DENND4C: variants seen among roughly 807,000 people sequenced by gnomAD.
DENND4C encodes DENN domain containing 4C.
Under a neutral mutation model 203.0 loss-of-function variants are expected in DENND4C, and 108 were observed. That is an observed-to-expected ratio of 0.53 (90% CI 0.46 to 0.62). DENND4C has a LOEUF of 0.62. Ranked by LOEUF, DENND4C falls within the 20% of genes least tolerant of loss-of-function variation. The pLI is 0.00. For synonymous variants in DENND4C, 871 were observed against 792.4 expected, an observed-to-expected ratio of 1.10 and a Z score of -1.67; for missense variants, 2,481 against 2,301.2, an observed-to-expected ratio of 1.08 and a Z score of -1.60.
chr9:19,242,011 A>G (rs1696532895), intron 1 of DENND4C, among the ~76,000 whole-genome samples: 1 of 152,136 alleles, frequency 6.6e-6, no homozygotes. Flanking sequence ...GGCAACATGT[A>G]TCCACCGTTA....
At chr9:19,312,344 A>G (rs964400820) in intron 10 of DENND4C, among the ~76,000 whole-genome samples, 1 of 152,112 alleles carries the variant, frequency 6.6e-6, no homozygotes, top group Non-Finnish European at 1.5e-5. Flanking sequence ...CTCAAGTGAT[A>G]TGCCTATATC....
chr9:19,233,971 A>C (rs557296722), intron 1 of DENND4C, among the ~76,000 whole-genome samples: 2 of 152,166 alleles, frequency 1.3e-5, no homozygotes, highest in Non-Finnish European at 2.9e-5. Context: ...TCTAACACTT[A>C]TATTTTTCTG....
At chr9:19,371,095 C>G (rs11999553) in intron 31 of DENND4C, among the ~76,000 whole-genome samples, 20,720 of 152,154 alleles carry the variant, frequency 0.14, 1,814 homozygotes, top group African/African-American at 0.24. Flanking sequence ...AAAGTGATAC[C>G]AAGTGTCACT....
chr9:19,342,562 A>T (rs1280991546), intron 21 of DENND4C, 71 bp from the exon 22 acceptor site: 1 of 1,442,760 alleles, frequency 6.9e-7, no homozygotes, highest in African/African-American at 1.4e-5. Context: ...ACAATATCTA[A>T]AAGTCAATAT....
At chr9:19,304,119 T>G (rs1266663799) in intron 9 of DENND4C, among the ~76,000 whole-genome samples, 1 of 119,312 alleles carries the variant, frequency 8.4e-6, no homozygotes, top group East Asian at 2.5e-4. Flanking sequence ...TAAAGATTCT[T>G]GAGGAATGTT....
intron 12 of DENND4C, among the ~76,000 whole-genome samples, chr9:19,322,116 G>A (rs568864341): frequency 6.6e-6 from 1 of 152,076 alleles, no homozygotes; most frequent in South Asian, 2.1e-4. Flanking sequence ...TGAAGGGAGA[G>A]CGCATACAAA....
In DENND4C at chr9:19,336,265, T is replaced by G. The variant is rs915439169; in HGVS notation, c.2590-5T>G. 6.2e-7 allele frequency: 1 copy of G among 1,609,358 alleles called. No individual in the cohort carries two copies. The highest frequency in any genetic ancestry group is 1.1e-5 in the South Asian group (1 of 89,958). ...ACATTATTTTTACCCTTATTTTACC[T>G]TTAGGTAGTCTTGGAGAGCCCGTGG... On this transcript the variant is annotated splice_polypyrimidine_tract_variant and splice_region_variant and intron_variant, in intron 18 of 32. Coordinates refer to ENST00000434457, the MANE Select transcript of DENND4C (RefSeq NM_001330640.2).
At chr9:19,361,713 A>G (rs1826529158) in intron 29 of DENND4C, 133 bp from the exon 30 acceptor site, 1 of 522,370 alleles carries the variant, frequency 1.9e-6, no homozygotes, top group South Asian at 2.8e-5. Context: ...ATTAATAAAA[A>G]TTAAAATTTT....
chr9:19,347,290 C>G (rs994973447), intron 23 of DENND4C, among the ~76,000 whole-genome samples: 1 of 152,080 alleles, frequency 6.6e-6, no homozygotes, highest in South Asian at 2.1e-4. Context: ...GCCACCATGC[C>G]CAGCTAATTT....
In DENND4C at chr9:19,350,608, T is replaced by C. The variant is rs1243994523; in HGVS notation, c.4318-94T>C. ...GTGGGGATGATGATTTGTTTAAGGATTATAGAGTTTAATTTTGAAAAGGGT... is the reference window on the plus strand; with the variant it reads ...GTGGGGATGATGATTTGTTTAAGGACTATAGAGTTTAATTTTGAAAAGGGT... On this transcript the variant is annotated intron_variant, in intron 23 of 32. Transcript: ENST00000434457. 7.6e-6 allele frequency: 8 copies of C among 1,047,766 alleles called. No individual in the cohort carries two copies. In the African/African-American group the frequency reaches 1.1e-4, roughly 15 times the overall value. The allele number at this position is 1,047,766 out of a possible 1,614,324, so 64.9% of individuals were successfully genotyped here.
intron 1 of DENND4C, among the ~76,000 whole-genome samples, chr9:19,231,989 C>A (rs1353404067): frequency 2.0e-5 from 3 of 152,144 alleles, no homozygotes; most frequent in Admixed American, 6.5e-5. Context: ...ATTACTCTAT[C>A]AGAAATGCAG....
intron 8 of DENND4C, among the ~76,000 whole-genome samples, chr9:19,299,653 T>G (rs1420810676): frequency 6.6e-6 from 1 of 152,240 alleles, no homozygotes; most frequent in African/African-American, 2.4e-5. Flanking sequence ...GTAGGCTTCC[T>G]TGATGTCTTA....
rs1421376127 is a variant in DENND4C, at chr9:19,346,696, CAG to C, written c.3932_3933del (p.Glu1311ValfsTer30). The part of the protein sequence containing the change: ...SSMELHREEN[R>X]ESGMTTAFIH... Reference sequence around the variant, plus strand: ...GTATGGAATTACACAGAGAGGAAAACAGAGAGTCTGGCATGACTACTGCATTT... The same window carrying C: ...GTATGGAATTACACAGAGAGGAAAACAGAGTCTGGCATGACTACTGCATTT... On this transcript the variant is annotated frameshift_variant, in exon 23 of 33. Transcript: ENST00000434457. LOFTEE classifies it high-confidence loss of function. 2.5e-6 allele frequency: 4 copies of C among 1,613,980 alleles called. No individual in the cohort carries two copies. The highest frequency in any genetic ancestry group is 1.3e-5 in the African/African-American group (1 of 74,900).
At chr9:19,271,857 G>A (rs1381080325) in intron 1 of DENND4C, among the ~76,000 whole-genome samples, 34 of 132,416 alleles carry the variant, frequency 2.6e-4, no homozygotes, top group African/African-American at 9.5e-4. Context: ...CAAAAAGAGT[G>A]AAACTCTGTC....
intron 16 of DENND4C, among the ~76,000 whole-genome samples, chr9:19,328,645 GTCTGTCTGTCTGTCTATCTA>G (rs1474046774): frequency 8.6e-5 from 11 of 127,944 alleles, no homozygotes; most frequent in South Asian, 2.6e-4. Flanking sequence ...CTGTCTGTCT[GTCTGTCTGTCTGTCTATCTA>G]TCTATCTATC....
intron 1 of DENND4C, among the ~76,000 whole-genome samples, chr9:19,240,175 T>C (rs1823315487): frequency 6.6e-6 from 1 of 152,130 alleles, no homozygotes; most frequent in South Asian, 2.1e-4. Flanking sequence ...ATTTCTTTAT[T>C]GTGCAAGCAT....
At chr9:19,285,779 A>G (rs1232950593) in intron 2 of DENND4C, among the ~76,000 whole-genome samples, 1 of 152,074 alleles carries the variant, frequency 6.6e-6, no homozygotes, top group African/African-American at 2.4e-5. Context: ...TTGCAGGTGG[A>G]TATCCAGTTA....
intron 26 of DENND4C, among the ~76,000 whole-genome samples, chr9:19,355,577 C>T (rs1325612212): frequency 6.6e-6 from 1 of 152,164 alleles, no homozygotes; most frequent in Admixed American, 6.5e-5. Context: ...TCACCTTTAT[C>T]ATATTTCAGT....
In DENND4C at chr9:19,248,588, C is replaced by T. The variant is rs578143732; in HGVS notation, c.-18+17755C>T. On this transcript the variant is annotated intron_variant, in intron 1 of 32. Transcript: ENST00000434457. ...TATTTTTAGTAAAGATGGGGTTTCT[C>T]CATATTGGTCAGGCTGGTCTCGAAC... Among the ~76,000 whole-genome samples, 5 of 152,034 alleles carry T rather than the reference C, an allele frequency of 3.3e-5. No individual in the cohort carries two copies. The South Asian group carries it at 8.3e-4, about 25-fold the overall frequency.
Sources: gnomAD v4.1 joint callset for allele counts (sites outside exome capture counted in the v4.1 genomes callset) on GRCh38, gnomAD v4.1.1 for gene constraint, MANE v1.5 for transcripts, NCBI Gene and HGNC (gene_info 2026-07-23, HGNC 2026-07-21) for gene names.